Variants in ENTPD3 observed in about 807,000 individuals in gnomAD.
ENTPD3 encodes CD39 antigen-like 3.
ENTPD3 carries 60 observed loss-of-function variants against 51.2 expected under a neutral mutation model. That is an observed-to-expected ratio of 1.17 (90% confidence interval 0.95 to 1.45). ENTPD3 has a LOEUF of 1.45. Ranked by LOEUF, ENTPD3 falls within the 40% of genes most tolerant of loss-of-function variation. ENTPD3 has a pLI of 0.00. For synonymous variants in ENTPD3, 221 were observed against 238.4 expected, an observed-to-expected ratio of 0.93 and a Z score of 0.67; for missense variants, 593 against 641.1, an observed-to-expected ratio of 0.93 and a Z score of 0.81.
Position 40,427,914 on chromosome 3 carries a change from C to A in ENTPD3, c.*406C>A. ...GATACCCATTAAGCATTTCGCCAAT[C>A]AGAATCTCATTTTATAGTTTTTCCC... On this transcript the variant is annotated 3_prime_UTR_variant, in exon 11 of 11. Transcript: ENST00000301825. 1 of 208,756 alleles carries A rather than the reference C, an allele frequency of 4.8e-6. No homozygotes were observed. The highest frequency in any genetic ancestry group is 1.1e-4 in the East Asian group (1 of 8,932). The allele number at this position is 208,756 out of a possible 1,614,324, so 12.9% of individuals were successfully genotyped here.
At position 40,414,580 on chromosome 3, in the gene ENTPD3, C is replaced by G. The variant is rs1440688630; in HGVS notation, c.438-101C>G. ...CTGGAAAATCATTCATCCCCACCAGCAGGGAGACGGTGAAGTTTGCATTTT... is the reference window on the plus strand; with the variant it reads ...CTGGAAAATCATTCATCCCCACCAGGAGGGAGACGGTGAAGTTTGCATTTT... On this transcript the variant is annotated intron_variant, in intron 5 of 10. Coordinates refer to ENST00000301825, the MANE Select transcript of ENTPD3 (RefSeq NM_001248.4). 8 of 1,278,782 alleles carry G rather than the reference C, an allele frequency of 6.3e-6. No homozygotes were observed. In the African/African-American group the frequency reaches 1.2e-4, roughly 19 times the overall value. The allele number at this position is 1,278,782 out of a possible 1,614,324, so 79.2% of individuals were successfully genotyped here. A position where few individuals can be genotyped will look rare whatever the true frequency, so the allele number is the denominator to read the frequency against.
intron 7 of ENTPD3, among the ~76,000 whole-genome samples, chr3:40,418,096 A>C (rs866637999): frequency 1.3e-5 from 2 of 152,210 alleles, no homozygotes; most frequent in African/African-American, 4.8e-5. Context: ...TGAGAATGCC[A>C]GTCTCCAAAT....
intron 7 of ENTPD3, among the ~76,000 whole-genome samples, chr3:40,420,114 A>C (rs1413589604): frequency 1.3e-5 from 2 of 152,232 alleles, no homozygotes; most frequent in Non-Finnish European, 2.9e-5. Context: ...TATAGTTTTA[A>C]TCATTTTAAA....
intron 7 of ENTPD3, among the ~76,000 whole-genome samples, chr3:40,417,161 T>C (rs559778395): frequency 6.6e-6 from 1 of 151,904 alleles, no homozygotes; most frequent in South Asian, 2.1e-4. Context: ...GTCAGGAGAG[T>C]CTGAGCACTG....
At chr3:40,413,327 A>C (rs1306996513) in intron 5 of ENTPD3, among the ~76,000 whole-genome samples, 1 of 152,172 alleles carries the variant, frequency 6.6e-6, no homozygotes, top group Non-Finnish European at 1.5e-5. Flanking sequence ...ACTTCAGGTA[A>C]TAAGTTTCAG....
chr3:40,398,571 TC>T (rs1213192305), intron 3 of ENTPD3, among the ~76,000 whole-genome samples: 1 of 152,156 alleles, frequency 6.6e-6, no homozygotes, highest in Non-Finnish European at 1.5e-5. Flanking sequence ...CCACCCTTGT[TC>T]CCCATGAGGG....
Position 40,416,073 on chromosome 3 carries a change from G to A in ENTPD3, c.831G>A (p.Gln277=). The A allele has an allele frequency of 6.2e-7, 1 of 1,612,640 alleles. No individual in the cohort carries two copies. Among genetic ancestry groups the A allele is most frequent in the Non-Finnish European group, 8.5e-7 (1 of 1,178,936 alleles). ...AEKKFLAMLL[Q]NSPTKNHLTN... ...AGAAGTTTCTGGCAATGCTCCTGCA[G>A]GTACTTGAGTCGGGGGTAGGGGGTG... The change falls in exon 7 of 11, where the codon CAG becomes CAA. Residue 277 remains glutamine, a splice_region_variant and synonymous_variant. Coordinates refer to ENST00000301825, the MANE Select transcript of ENTPD3 (RefSeq NM_001248.4).
At chr3:40,391,691 G>T in intron 2 of ENTPD3, 1 of 278,694 alleles carries the variant, frequency 3.6e-6, no homozygotes, top group Non-Finnish European at 6.6e-6. Context: ...AAAAAAAAAA[G>T]AAAAGAAAAA....
chr3:40,414,816 C>A lies in ENTPD3; in HGVS notation c.573C>A (p.Asn191Lys), dbSNP rs139278593. Residue 191 changes from asparagine to lysine, a missense_variant, in exon 6 of 11, where the codon AAC becomes AAA. Transcript: ENST00000301825. The stretch of plus-strand genomic sequence containing the variant: ...GGGTATATGGATGGATTACAGCCAA[C>A]TATTTAATGGGAAATTTCCTGGAGG... Reference protein sequence around the residue: ...EEGVYGWITANYLMGNFLEKN... With the variant: ...EEGVYGWITAKYLMGNFLEKN... 5.0e-5 allele frequency: 80 copies of A among 1,613,986 alleles called. 1 individual carries two copies. Among genetic ancestry groups the A allele is most frequent in the Middle Eastern group, 1.7e-4 (1 of 6,056 alleles).
chr3:40,411,319 G>A (rs374786238), intron 4 of ENTPD3, among the ~76,000 whole-genome samples: 2 of 144,254 alleles, frequency 1.4e-5, no homozygotes, highest in Admixed American at 1.4e-4. Flanking sequence ...AAAAAGAAAA[G>A]AAAAAGAAAT....
rs1461060062 is a variant in ENTPD3 at position 40,414,676 on chromosome 3, T to C, written c.438-5T>C. On this transcript the variant is annotated splice_region_variant and splice_polypyrimidine_tract_variant and intron_variant, in intron 5 of 10. Coordinates refer to ENST00000301825, the MANE Select transcript of ENTPD3 (RefSeq NM_001248.4). ...TCAGACTTGTTTGTTCTGTGCCTTG[T>C]ACAGGTTGCAAAATGAAACAGCAGC... 6.8e-6 allele frequency: 11 copies of C among 1,613,878 alleles called. No homozygotes were observed. The highest frequency in any genetic ancestry group is 1.3e-5 in the African/African-American group (1 of 74,918).
intron 2 of ENTPD3, among the ~76,000 whole-genome samples, chr3:40,388,390 C>G (rs118191779): frequency 3.9e-5 from 6 of 152,150 alleles, no homozygotes; most frequent in Non-Finnish European, 5.9e-5. Context: ...CTGTGTGTAA[C>G]GTTTGCTTTA....
intron 4 of ENTPD3, among the ~76,000 whole-genome samples, chr3:40,410,700 A>G (rs554491064): frequency 1.3e-5 from 2 of 152,320 alleles, no homozygotes; most frequent in East Asian, 3.9e-4. Flanking sequence ...TGAGGGTACA[A>G]TCGACAAACT....
chr3:40,419,482 T>G (rs1294028833), intron 7 of ENTPD3, among the ~76,000 whole-genome samples: 1 of 152,222 alleles, frequency 6.6e-6, no homozygotes, highest in Non-Finnish European at 1.5e-5. Context: ...TCTATTTTTC[T>G]ACTCTCAGAG....
At chr3:40,390,231 G>C (rs774611051) in intron 2 of ENTPD3, among the ~76,000 whole-genome samples, 1 of 152,092 alleles carries the variant, frequency 6.6e-6, no homozygotes, top group Non-Finnish European at 1.5e-5. Context: ...TAGAGACAAG[G>C]TCTCACTCTG....
intron 10 of ENTPD3, among the ~76,000 whole-genome samples, chr3:40,424,590 C>G (rs901674633): frequency 2.0e-5 from 3 of 151,838 alleles, no homozygotes; most frequent in African/African-American, 7.3e-5. Flanking sequence ...TCTATAAATA[C>G]ATACATATAT....
At chr3:40,392,869 G>A (rs1199517602) in intron 3 of ENTPD3, among the ~76,000 whole-genome samples, 2 of 152,016 alleles carry the variant, frequency 1.3e-5, no homozygotes, top group African/African-American at 2.4e-5. Flanking sequence ...AGCCTAGGCT[G>A]AGTGAACAAA....
chr3:40,412,312 G>C (rs564058304), intron 5 of ENTPD3, among the ~76,000 whole-genome samples: 2 of 152,242 alleles, frequency 1.3e-5, no homozygotes, highest in Non-Finnish European at 2.9e-5. Flanking sequence ...AGCTAAGTTT[G>C]GTAGTAAGTA....
At chr3:40,414,350 T>C (rs1955696231) in intron 5 of ENTPD3, among the ~76,000 whole-genome samples, 1 of 152,236 alleles carries the variant, frequency 6.6e-6, no homozygotes, top group South Asian at 2.1e-4. Context: ...CCCTTTCCTC[T>C]GCTGATCTAA....
Sources: gnomAD v4.1 joint callset for allele counts (sites outside exome capture counted in the v4.1 genomes callset) on GRCh38, gnomAD v4.1.1 for gene constraint, MANE v1.5 for transcripts, NCBI Gene and HGNC (gene_info 2026-07-23, HGNC 2026-07-21) for gene names.